The following TLR6 variants were observed in gnomAD, a reference collection of about 807,000 sequenced individuals.
The protein encoded by TLR6 is toll like receptor 6.
A neutral mutation model predicts 16.1 loss-of-function variants in TLR6; 9 were observed. The ratio of observed to expected loss-of-function variants is 0.56; its 90% CI spans 0.34 to 0.98. TLR6 has a LOEUF of 0.98. TLR6 is among the 50% of genes least tolerant of loss of function. The pLI is 0.02. For synonymous variants in TLR6, 340 were observed against 338.6 expected, an observed-to-expected ratio of 1.00 and a Z score of -0.04; for missense variants, 786 against 921.0, an observed-to-expected ratio of 0.85 and a Z score of 1.90.
intron 1 of TLR6, among the ~76,000 whole-genome samples, chr4:38,831,860 G>A (rs1387050967): frequency 1.3e-5 from 2 of 152,210 alleles, no homozygotes; most frequent in African/African-American, 4.8e-5. Flanking sequence ...AACATCAAAT[G>A]TTGGTGAGGA....
chr4:38,828,320 T>C (rs1190518323), exon 2 of TLR6: 12 of 1,613,388 alleles, frequency 7.4e-6, no homozygotes. Flanking sequence ...TCCATTCTTT[T>C]GTAAGATAAG....
At chr4:38,858,015 C>T (rs1272676641), upstream of TLR6, among the ~76,000 whole-genome samples, 1 of 152,212 alleles carries the variant, frequency 6.6e-6, no homozygotes, top group African/African-American at 2.4e-5. Context: ...CAGATCTGGG[C>T]ACATTGACAT....
chr4:38,827,248 G>A (rs1727588252), exon 2 of TLR6: 2 of 1,614,038 alleles, frequency 1.2e-6, no homozygotes, highest in South Asian at 1.1e-5. Flanking sequence ...TGGGAATGCT[G>A]TTCTGTGGAA....
intron 1 of TLR6, among the ~76,000 whole-genome samples, chr4:38,855,229 AT>A (rs1434070666): frequency 6.6e-4 from 99 of 149,860 alleles, no homozygotes; most frequent in Non-Finnish European, 1.2e-3. Flanking sequence ...AAAAAAAAAA[AT>A]TATATATGTA....
At chr4:38,847,898 A>G (rs1196997600) in intron 1 of TLR6, among the ~76,000 whole-genome samples, 6 of 152,246 alleles carry the variant, frequency 3.9e-5, no homozygotes, top group Admixed American at 6.5e-5. Context: ...ACCTCTGCAG[A>G]CTTAAATGTC....
upstream of TLR6, among the ~76,000 whole-genome samples, chr4:38,858,736 A>G (rs574978482): frequency 5.0e-5 from 7 of 139,678 alleles, no homozygotes; most frequent in African/African-American, 1.9e-4. Flanking sequence ...AAAAAGAAAG[A>G]AAGAAAGAGA....
exon 2 of TLR6, chr4:38,829,333 T>C (rs1475363747): frequency 1.9e-6 from 3 of 1,614,174 alleles, no homozygotes; most frequent in African/African-American, 1.3e-5. Flanking sequence ...GTAGGTCTTT[T>C]GGAACATGAA....
At chr4:38,844,914 C>T (rs1712453840) in intron 1 of TLR6, among the ~76,000 whole-genome samples, 1 of 151,994 alleles carries the variant, frequency 6.6e-6, no homozygotes, top group African/African-American at 2.4e-5. Flanking sequence ...AAAAAATTAG[C>T]CAGGCGTGGT....
intron 1 of TLR6, among the ~76,000 whole-genome samples, chr4:38,832,522 A>C (rs931898043): frequency 6.6e-6 from 1 of 152,164 alleles, no homozygotes; most frequent in Admixed American, 6.5e-5. Flanking sequence ...GAATATATGC[A>C]ATCACATTGT....
At chr4:38,834,753 A>C (rs961358756) in intron 1 of TLR6, among the ~76,000 whole-genome samples, 1 of 152,248 alleles carries the variant, frequency 6.6e-6, no homozygotes, top group Non-Finnish European at 1.5e-5. Context: ...AAAGTGCTGA[A>C]AGAAGAAACT....
chr4:38,861,732 C>T (rs910777813), upstream of TLR6, among the ~76,000 whole-genome samples: 5 of 152,144 alleles, frequency 3.3e-5, no homozygotes, highest in Non-Finnish European at 7.4e-5. Context: ...CTCTCCTGTT[C>T]TCCTCTTTCA....
At chr4:38,837,351 G>A (rs1041191983) in intron 1 of TLR6, among the ~76,000 whole-genome samples, 7 of 152,172 alleles carry the variant, frequency 4.6e-5, no homozygotes, top group African/African-American at 1.4e-4. Flanking sequence ...CAAAGCAAAA[G>A]TAGCATGGTA....
chr4:38,823,325 A>G (rs986621127), downstream of TLR6, among the ~76,000 whole-genome samples: 1 of 152,252 alleles, frequency 6.6e-6, no homozygotes, highest in Non-Finnish European at 1.5e-5. Flanking sequence ...GCAACAGGCT[A>G]TACCATAAGC....
chr4:38,844,072 A>T (rs939147016), intron 1 of TLR6, among the ~76,000 whole-genome samples: 33 of 152,110 alleles, frequency 2.2e-4, no homozygotes, highest in African/African-American at 4.8e-5. Context: ...TTTTCCTTCT[A>T]CGGACTGCCA....
chr4:38,839,310 TAAA>T (rs57901685), intron 1 of TLR6, among the ~76,000 whole-genome samples: 7 of 151,642 alleles, frequency 4.6e-5, no homozygotes, highest in African/African-American at 1.2e-4. Flanking sequence ...GATTTTTTTT[TAAA>T]AAAAATTAAT....
At chr4:38,856,377 T>C (rs1712987935) in intron 1 of TLR6, among the ~76,000 whole-genome samples, 1 of 152,144 alleles carries the variant, frequency 6.6e-6, no homozygotes, top group South Asian at 2.1e-4. Context: ...TGTAAAAACA[T>C]ATAATAAATA....
In TLR6 at chr4:38,855,724, G is replaced by A. The variant is rs549685778; in HGVS notation, c.-65+1037C>T. 2.0e-5 allele frequency among the ~76,000 whole-genome samples: 3 copies of A among 152,216 alleles called. No individual in the cohort carries two copies. The South Asian group carries it at 6.2e-4, about 32-fold the overall frequency. ...CACAAAAACGCAATATTCCTCCAGA[G>A]GCGTTCATACCCTGAGGCAGTTCCT... On this transcript the variant is annotated intron_variant, in intron 1 of 1. Transcript: ENST00000436693.
chr4:38,828,673 G>A, exon 2 of TLR6: 6 of 1,614,156 alleles, frequency 3.7e-6, no homozygotes, highest in Non-Finnish European at 4.2e-6. Flanking sequence ...GAAAGACTCT[G>A]ACCAGGCATT....
At chr4:38,823,771 G>C (rs1560258408) in exon 2 of TLR6, 1 of 152,228 alleles carries the variant, frequency 6.6e-6, no homozygotes, top group South Asian at 2.1e-4. Flanking sequence ...GAAGATGCCT[G>C]ACCCTCAAAA....
Sources: gnomAD v4.1 joint callset for allele counts (sites outside exome capture counted in the v4.1 genomes callset) on GRCh38, gnomAD v4.1.1 for gene constraint, MANE v1.5 for transcripts, NCBI Gene and HGNC (gene_info 2026-07-23, HGNC 2026-07-21) for gene names.